Variants in DMD observed in about 807,000 individuals in gnomAD.
The protein encoded by DMD is mutant dystrophin.
DMD carries 63 observed loss-of-function variants against 330.1 expected under a neutral mutation model. That is an observed-to-expected ratio of 0.19 (90% CI 0.16 to 0.24). The LOEUF (loss-of-function observed/expected upper bound fraction) is 0.24. Among genes scored for constraint, DMD ranks in the 10% least tolerant of loss-of-function variants. The pLI, the probability that DMD is intolerant of heterozygous loss-of-function variation, is 1.00. For synonymous variants in DMD, 1,223 were observed against 959.8 expected, an observed-to-expected ratio of 1.27 and a Z score of -5.07; for missense variants, 3,344 against 2,684.1, an observed-to-expected ratio of 1.25 and a Z score of -5.43.
intron 1 of DMD, among the ~76,000 whole-genome samples, chrX:33,068,326 G>A (rs1366414804): frequency 8.9e-6 from 1 of 111,993 alleles, no homozygotes; most frequent in Non-Finnish European, 1.9e-5. Flanking sequence ...GAGTAAAGCT[G>A]TGGCTGAAAT....
intron 29 of DMD, among the ~76,000 whole-genome samples, chrX:32,424,349 C>G (rs2098202784): frequency 9.0e-6 from 1 of 111,051 alleles, no homozygotes; most frequent in Admixed American, 9.6e-5. Flanking sequence ...AAGCTATATC[C>G]ATTATTAACA....
At chrX:32,595,917 C>G (rs368134094) in intron 12 of DMD, 41 bp from the exon 13 acceptor site, 5 of 1,079,806 alleles carry the variant, frequency 4.6e-6, no homozygotes, top group South Asian at 3.7e-5. Context: ...AAATGATATT[C>G]TTACATGTGT....
intron 44 of DMD, among the ~76,000 whole-genome samples, chrX:32,179,772 T>G (rs1467498972): frequency 9.0e-6 from 1 of 111,398 alleles, no homozygotes; most frequent in Non-Finnish European, 1.9e-5. Flanking sequence ...AGCTAAATAC[T>G]TGTGCTGTCC....
chrX:32,108,921 G>A (rs966439304), intron 44 of DMD, among the ~76,000 whole-genome samples: 4 of 111,293 alleles, frequency 3.6e-5, no homozygotes, highest in African/African-American at 1.3e-4. Flanking sequence ...ACATACGAAT[G>A]TTTAAAATTC....
intron 57 of DMD, 118 bp downstream of exon 57, chrX:31,496,670 T>G: frequency 2.3e-6 from 2 of 856,054 alleles, no homozygotes; most frequent in Non-Finnish European, 3.4e-6. Flanking sequence ...GACCCTTGGG[T>G]GAGAAGAGTA....
At chrX:31,336,338 T>C (rs1028943759) in intron 61 of DMD, among the ~76,000 whole-genome samples, 2 of 111,928 alleles carry the variant, frequency 1.8e-5, no homozygotes, top group Non-Finnish European at 3.8e-5. Context: ...GGAGTGCTAC[T>C]GGCATGTAGT....
At position 32,774,179 on chromosome X, in the gene DMD, T is replaced by A. The variant is rs2073918296; in HGVS notation, c.649+35314A>T. Among the ~76,000 whole-genome samples the A allele has an allele frequency of 2.7e-5, 3 of 111,614 alleles. No individual in the cohort carries two copies. The Admixed American group carries it at 2.9e-4, about 11-fold the overall frequency. On this transcript the variant is annotated intron_variant, in intron 7 of 78. Transcript: ENST00000357033. The stretch of plus-strand genomic sequence containing the variant: ...GTTCCACGATTGTAATATAAGAGAG[T>A]TATTCAATTTTACTAAAAATAAGTT...
At chrX:31,506,695 T>A (rs73453954) in intron 56 of DMD, among the ~76,000 whole-genome samples, 5,915 of 111,993 alleles carry the variant, frequency 0.053, 263 homozygotes, top group African/African-American at 0.15. Context: ...ATATAAAGTA[T>A]GTGAGTATAC....
chrX:31,916,476 G>A (rs1468214746), intron 47 of DMD, among the ~76,000 whole-genome samples: 1 of 112,005 alleles, frequency 8.9e-6, no homozygotes, highest in Non-Finnish European at 1.9e-5. Flanking sequence ...AGTATCTAAA[G>A]TCAGGCTCAA....
At chrX:33,071,629 T>C (rs2094758808) in intron 1 of DMD, among the ~76,000 whole-genome samples, 1 of 110,979 alleles carries the variant, frequency 9.0e-6, no homozygotes, top group Middle Eastern at 4.2e-3. Context: ...AATATATTCA[T>C]TTGAAGCCCA....
chrX:33,010,311 T>A (rs767231090), intron 2 of DMD, among the ~76,000 whole-genome samples: 1 of 107,611 alleles, frequency 9.3e-6, no homozygotes, highest in African/African-American at 3.4e-5. Flanking sequence ...TATATGTACA[T>A]ATATGTGTAT....
At chrX:32,242,046 G>T (rs148356703) in intron 43 of DMD, among the ~76,000 whole-genome samples, 2 of 111,397 alleles carry the variant, frequency 1.8e-5, no homozygotes, top group Non-Finnish European at 3.8e-5. Flanking sequence ...GATGATTAGG[G>T]TTATTTTTCT....
intron 1 of DMD, among the ~76,000 whole-genome samples, chrX:33,224,478 T>C (rs2052247137): frequency 8.9e-6 from 1 of 111,956 alleles, no homozygotes; most frequent in Non-Finnish European, 1.9e-5. Flanking sequence ...AAAATGCTTC[T>C]ATATACTGTA....
At chrX:32,574,507 A>G (rs1018100941) in intron 13 of DMD, among the ~76,000 whole-genome samples, 1 of 112,009 alleles carries the variant, frequency 8.9e-6, no homozygotes, top group Non-Finnish European at 1.9e-5. Flanking sequence ...CCAACTATCA[A>G]TGATTTTTGG....
At position 32,826,971 on chromosome X, in the gene DMD, A is replaced by C. The variant is rs535144256; in HGVS notation, c.265-3584T>G. Among the ~76,000 whole-genome samples the C allele has an allele frequency of 4.4e-4, 48 of 110,018 alleles. 1 individual carries two copies. Among genetic ancestry groups the C allele is most frequent in the African/African-American group, 1.4e-3 (41 of 30,216 alleles). ...GTATATACAATTTTTTTTGCTAATT[A>C]AAAAATAAAAAATAGTTATATGGTA... On this transcript the variant is annotated intron_variant, in intron 4 of 78. Coordinates refer to ENST00000357033, the MANE Select transcript of DMD (RefSeq NM_004006.3).
intron 11 of DMD, among the ~76,000 whole-genome samples, chrX:32,615,744 A>G (rs902202219): frequency 8.1e-5 from 9 of 111,384 alleles, no homozygotes; most frequent in African/African-American, 2.9e-4. Context: ...AGATTCACGA[A>G]AAATTAATGA....
At chrX:33,289,002 C>CA (rs1462627729) in intron 1 of DMD, among the ~76,000 whole-genome samples, 1 of 111,276 alleles carries the variant, frequency 9.0e-6, no homozygotes, top group Non-Finnish European at 1.9e-5. Context: ...GTGAGGTTTC[C>CA]AAGTTTATAG....
intron 7 of DMD, among the ~76,000 whole-genome samples, chrX:32,803,865 T>C (rs751157131): frequency 8.9e-6 from 1 of 112,098 alleles, no homozygotes; most frequent in African/African-American, 3.2e-5. Flanking sequence ...AGGAGTATTT[T>C]ACTTCCAATT....
rs148839745 is a variant in DMD, at chrX:32,125,454, G to A, written c.6438+91462C>T. 2.8e-3 allele frequency among the ~76,000 whole-genome samples: 318 copies of A among 111,816 alleles called. 1 individual carries two copies. Among genetic ancestry groups the A allele is most frequent in the African/African-American group, 9.8e-3 (301 of 30,802 alleles). Reference sequence around the variant, plus strand: ...TTTGAAGGACAAGGTCGAACATTCAGTTTGGTCCTTGTTGAGTCTGAGTTG... The same window carrying A: ...TTTGAAGGACAAGGTCGAACATTCAATTTGGTCCTTGTTGAGTCTGAGTTG... On this transcript the variant is annotated intron_variant, in intron 44 of 78. Transcript: ENST00000357033.
Sources: allele counts gnomAD v4.1 joint callset (sites outside exome capture counted in the v4.1 genomes callset), GRCh38; gene constraint gnomAD v4.1.1; transcripts MANE v1.5; gene names NCBI Gene and HGNC (gene_info 2026-07-23, HGNC 2026-07-21).